The following CCDC91 variants were observed in gnomAD, a reference collection of about 807,000 sequenced individuals.
CCDC91 encodes the protein coiled-coil domain containing 91, also known as coiled-coil domain-containing protein 91.
A neutral mutation model predicts 63.2 loss-of-function variants in CCDC91; 48 were observed. That is an observed-to-expected ratio of 0.76 (90% CI 0.60 to 0.97). The LOEUF (loss-of-function observed/expected upper bound fraction) is 0.97, where lower values mean the gene tolerates loss of function less well. CCDC91 is among the 50% of genes least tolerant of loss of function. The pLI is 0.00. For missense variants in CCDC91, 500 were observed against 494.6 expected (o/e 1.01, Z -0.10); for synonymous variants, 167 against 165.8 (o/e 1.01, Z -0.06).
chr12:28,300,480 A>G (rs1489629133), intron 3 of CCDC91, among the ~76,000 whole-genome samples: 3 of 150,468 alleles, frequency 2.0e-5, no homozygotes, highest in Non-Finnish European at 3.0e-5. Context: ...ATTGTATAAC[A>G]TAATTTAATA....
intron 1 of CCDC91, among the ~76,000 whole-genome samples, chr12:28,193,226 T>C (rs571897267): frequency 2.0e-5 from 3 of 152,236 alleles, no homozygotes; most frequent in Non-Finnish European, 4.4e-5. Context: ...CAAGTCTTTG[T>C]GTAGACATAT....
intron 12 of CCDC91, among the ~76,000 whole-genome samples, chr12:28,520,918 T>TG (rs201153887): frequency 0.012 from 1,895 of 152,238 alleles, 17 homozygotes; most frequent in Non-Finnish European, 0.018. Flanking sequence ...TCTGTTCTGT[T>TG]GCATTGGTCT....
At chr12:28,523,470 C>G (rs977560563) in intron 12 of CCDC91, among the ~76,000 whole-genome samples, 1 of 152,076 alleles carries the variant, frequency 6.6e-6, no homozygotes, top group Admixed American at 6.6e-5. Flanking sequence ...ATGTGTGTCT[C>G]TGCACATGAG....
chr12:28,548,036 A>AT (rs1943105361), intron 12 of CCDC91, among the ~76,000 whole-genome samples: 1 of 151,992 alleles, frequency 6.6e-6, no homozygotes, highest in South Asian at 2.1e-4. Context: ...TTTTTACCCT[A>AT]TGGGCAAATT....
At chr12:28,365,793 G>A (rs1944232428) in intron 7 of CCDC91, among the ~76,000 whole-genome samples, 1 of 152,016 alleles carries the variant, frequency 6.6e-6, no homozygotes, top group Non-Finnish European at 1.5e-5. Flanking sequence ...CAGTTTTCAG[G>A]GCTTCACACT....
chr12:28,239,121 GA>G (rs778967435), intron 1 of CCDC91, among the ~76,000 whole-genome samples: 4,794 of 125,932 alleles, frequency 0.038, 112 homozygotes, highest in African/African-American at 0.081. Flanking sequence ...CTCTGTCTCG[GA>G]AAAAAAAAAA....
chr12:28,316,390 C>T (rs1939862213), intron 6 of CCDC91, among the ~76,000 whole-genome samples: 1 of 151,390 alleles, frequency 6.6e-6, no homozygotes, highest in African/African-American at 2.4e-5. Flanking sequence ...TGTCATAATT[C>T]TTTTCTAAAA....
At chr12:28,332,692 A>T (rs1476920042) in intron 6 of CCDC91, among the ~76,000 whole-genome samples, 2 of 152,144 alleles carry the variant, frequency 1.3e-5, no homozygotes, top group Non-Finnish European at 2.9e-5. Context: ...CTTTTCTAGG[A>T]CGTAGCTCCT....
intron 1 of CCDC91, among the ~76,000 whole-genome samples, chr12:28,245,182 T>C (rs1438665476): frequency 6.6e-6 from 1 of 152,126 alleles, no homozygotes; most frequent in African/African-American, 2.4e-5. Context: ...AATAATCTTA[T>C]AGCTAGAAAC....
chr12:28,370,786 C>T (rs1592460117), intron 7 of CCDC91, among the ~76,000 whole-genome samples: 1 of 152,070 alleles, frequency 6.6e-6, no homozygotes, highest in African/African-American at 2.4e-5. Flanking sequence ...TGGCAGAAGG[C>T]AAAGGAGAAG....
intron 3 of CCDC91, among the ~76,000 whole-genome samples, chr12:28,270,731 AAT>A (rs771728695): frequency 3.9e-5 from 6 of 152,124 alleles, no homozygotes; most frequent in Non-Finnish European, 7.3e-5. Flanking sequence ...GCGTCGATGG[AAT>A]ATGTTTGATT....
Position 28,499,917 on chromosome 12 carries a change from C to T in CCDC91, c.1215+15752C>T, listed in dbSNP as rs1016601696. Among the ~76,000 whole-genome samples the T allele has an allele frequency of 3.3e-5, 5 of 152,152 alleles. No homozygotes were observed. The South Asian group carries it at 6.2e-4, about 19-fold the overall frequency. On this transcript the variant is annotated intron_variant, in intron 12 of 12. Transcript: ENST00000536442. ...TAGTTCTAGATTCTTGAGGAATCGC[C>T]ACACTGTCTTCCACAATGGTTGAAC...
intron 8 of CCDC91, among the ~76,000 whole-genome samples, chr12:28,445,591 A>C (rs1387479362): frequency 6.6e-6 from 1 of 152,216 alleles, no homozygotes; most frequent in African/African-American, 2.4e-5. Context: ...TTGAAAGTCT[A>C]TATGACTAGC....
At chr12:28,341,032 G>A (rs747539475) in intron 6 of CCDC91, among the ~76,000 whole-genome samples, 2 of 152,104 alleles carry the variant, frequency 1.3e-5, no homozygotes, top group South Asian at 2.1e-4. Context: ...TCAGTGATGC[G>A]GGCTTTCTTC....
chr12:28,521,246 A>G (rs1451242130), intron 12 of CCDC91, among the ~76,000 whole-genome samples: 1 of 151,882 alleles, frequency 6.6e-6, no homozygotes, highest in Non-Finnish European at 1.5e-5. Context: ...CTTTCATTTC[A>G]TTGAGCAGTG....
rs373083571 is a variant in CCDC91 at position 28,450,244 on chromosome 12, A to G, written c.846A>G (p.Gln282=). 6.2e-5 allele frequency: 99 copies of G among 1,605,576 alleles called. No homozygotes were observed. The highest frequency in any genetic ancestry group is 7.6e-5 in the Non-Finnish European group (89 of 1,173,224). Residue 282 remains glutamine, a synonymous_variant, in exon 9 of 13, where the codon CAA becomes CAG. Coordinates refer to ENST00000536442, the MANE Select transcript of CCDC91 (RefSeq NM_018318.5). ...AGGAAGCTTTGATTCAGCAATCTCA[A>G]GAACAGAAGGTAATACTTTAACTGT... ...KIKEALIQQS[Q]EQKEILEKCL...
chr12:28,519,709 T>C, intron 12 of CCDC91, among the ~76,000 whole-genome samples: 1 of 126,826 alleles, frequency 7.9e-6, no homozygotes, highest in Admixed American at 8.2e-5. Flanking sequence ...CCTAATGCTA[T>C]CCCTCCCCCC....
At chr12:28,364,883 C>T (rs2138652558) in intron 7 of CCDC91, among the ~76,000 whole-genome samples, 1 of 152,194 alleles carries the variant, frequency 6.6e-6, no homozygotes, top group East Asian at 1.9e-4. Flanking sequence ...AGCTGATTCT[C>T]AGCATATTTT....
intron 8 of CCDC91, among the ~76,000 whole-genome samples, chr12:28,391,963 G>A (rs191808609): frequency 7.2e-5 from 11 of 152,192 alleles, no homozygotes; most frequent in Non-Finnish European, 1.5e-4. Flanking sequence ...ATTTCTCAAA[G>A]ATATAAAATT....
Sources: gnomAD v4.1 joint callset for allele counts (sites outside exome capture counted in the v4.1 genomes callset) on GRCh38, gnomAD v4.1.1 for gene constraint, MANE v1.5 for transcripts, NCBI Gene and HGNC (gene_info 2026-07-23, HGNC 2026-07-21) for gene names.